The following MRPS15 variants were observed in gnomAD, a reference collection of about 807,000 sequenced individuals.
MRPS15 encodes the protein small ribosomal subunit protein uS15m.
A neutral mutation model predicts 30.7 loss-of-function variants in MRPS15; 25 were observed. The ratio of observed to expected loss-of-function variants is 0.81; its 90% CI spans 0.59 to 1.14. The LOEUF is 1.14. Ranked by LOEUF, MRPS15 falls within the 50% of genes most tolerant of loss-of-function variation. The pLI is 0.00. For synonymous variants in MRPS15, 124 were observed against 120.1 expected (o/e 1.03, Z -0.21); for missense variants, 313 against 321.7 (o/e 0.97, Z 0.21).
chr1:36,463,742 T>G, intron 2 of MRPS15, 64 bp downstream of exon 2: 1 of 1,564,696 alleles, frequency 6.4e-7, no homozygotes, highest in South Asian at 1.2e-5. Context: ...ATCGGTCCCC[T>G]TACCCACCCC....
In MRPS15 at chr1:36,456,306, T is replaced by G; in HGVS notation, c.517A>C (p.Thr173Pro). 6.2e-7 allele frequency: 1 copy of G among 1,614,196 alleles called. No individual in the cohort carries two copies. The highest frequency in any genetic ancestry group is 1.1e-5 in the South Asian group (1 of 91,088). ...RKKMLKNLRN[T>P]NYDVFEKICW... ...ATCTTCTCAAAGACATCATAGTTGG[T>G]GTTACGGAGGTTTTTGAGCATCTTT... Residue 173 changes from threonine to proline, a missense_variant, in exon 7 of 8, where the codon ACC (threonine) becomes CCC (proline). Transcript: ENST00000373116.
Position 36,455,833 on chromosome 1 carries a change from G to A in MRPS15, c.729C>T (p.Asp243=), listed in dbSNP as rs138788038. The A allele has an allele frequency of 6.2e-7, 1 of 1,614,198 alleles. No individual in the cohort carries two copies. Among genetic ancestry groups the A allele is most frequent in the Non-Finnish European group, 8.5e-7 (1 of 1,180,042 alleles). Residue 243 remains aspartate (D), a synonymous_variant, in exon 8 of 8, where the codon GAC becomes GAT. Coordinates refer to ENST00000373116, the MANE Select transcript of MRPS15 (RefSeq NM_031280.4). ...AQKQAKRRNP[D]SPAKAIPKTL... ...TCTTTGGTATGGCTTTGGCAGGGCT[G>A]TCTGGGTTCCTCCGCTTTGCTTGTT... is the stretch of plus-strand genomic sequence containing the variant.
intron 6 of MRPS15, 33 bp from the exon 7 acceptor site, chr1:36,456,411 A>G (rs367718286): frequency 5.6e-4 from 870 of 1,541,704 alleles, no homozygotes; most frequent in Non-Finnish European, 7.1e-4. Context: ...TTAGTATTAT[A>G]TAAGTGTTAC....
chr1:36,460,773 C>T lies in MRPS15; in HGVS notation c.304G>A (p.Glu102Lys), dbSNP rs1650081433. Residue 102 changes from glutamate (E) to lysine (K), a missense_variant, in exon 5 of 8, where the codon GAG (glutamate) becomes AAG (lysine). By Grantham distance (56) the Glu-to-Lys change is moderately conservative (BLOSUM62 1). Transcript: ENST00000373116. ...TGTTCTTGCTTGATTTTTAGCATCT[C>T]CTTCTGTTGAAGACAGAGACAGAGA... is the stretch of plus-strand genomic sequence containing the variant. ...LLSLEMANKK[E>K]MLKIKQEQFM... 2 of 1,613,752 alleles carry T rather than the reference C, an allele frequency of 1.2e-6. No individual in the cohort carries two copies. The highest frequency in any genetic ancestry group is 1.3e-5 in the African/African-American group (1 of 75,046).
At position 36,464,372 on chromosome 1, in the gene MRPS15, G is replaced by T; in HGVS notation, c.-97C>A. On this transcript the variant is annotated 5_prime_UTR_variant, in exon 1 of 8. Coordinates refer to ENST00000373116, the MANE Select transcript of MRPS15 (RefSeq NM_031280.4). ...GGCGCCGCCATGCTGGCCCAGGATC[G>T]ACCAATCGAGGCAGTTGCAATACCG... The T allele has an allele frequency of 6.8e-7, 1 of 1,480,506 alleles. No homozygotes were observed. The highest frequency in any genetic ancestry group is 1.3e-5 in the South Asian group (1 of 74,762). 91.7% of individuals were successfully genotyped at this position (1,480,506 alleles called of 1,614,324 possible). A position where few individuals can be genotyped will look rare whatever the true frequency, so the allele number is the denominator to read the frequency against.
chr1:36,460,682 C>G lies in MRPS15; in HGVS notation c.385+10G>C, dbSNP rs754741969. On this transcript the variant is annotated intron_variant, in intron 5 of 7. Transcript: ENST00000373116. ...CCTACACCCCCACTCCCCAAGGGTC[C>G]CCGACCAACTTCGAGCCTCCAGGGA... 2.5e-6 allele frequency: 4 copies of G among 1,612,840 alleles called. No individual in the cohort carries two copies. Among genetic ancestry groups the G allele is most frequent in the Non-Finnish European group, 3.4e-6 (4 of 1,178,890 alleles).
Position 36,464,331 on chromosome 1 carries a change from C to T in MRPS15, c.-56G>A, listed in dbSNP as rs1650170676. ...CGCGGCCGCCGTTCGCTTTGCGGCA[C>T]GGACCGGGTTACATGGGCGCCGCCA... On this transcript the variant is annotated 5_prime_UTR_variant, in exon 1 of 8. The change creates a new upstream start codon in the 5' untranslated region. Coordinates refer to ENST00000373116, the MANE Select transcript of MRPS15 (RefSeq NM_031280.4). 2.5e-6 allele frequency: 4 copies of T among 1,585,510 alleles called. No individual in the cohort carries two copies. The highest frequency in any genetic ancestry group is 2.3e-5 in the East Asian group (1 of 44,336).
intron 2 of MRPS15, 82 bp downstream of exon 2, chr1:36,463,724 T>C (rs2124085668): frequency 6.6e-7 from 1 of 1,505,896 alleles, no homozygotes; most frequent in Non-Finnish European, 9.0e-7. Flanking sequence ...GTGGCTCTAA[T>C]TCGCCACATC....
chr1:36,455,968 C>A, intron 7 of MRPS15, 43 bp from the exon 8 acceptor site: 1 of 1,597,396 alleles, frequency 6.3e-7, no homozygotes, highest in South Asian at 1.1e-5. Flanking sequence ...TAATCCTGTG[C>A]AAAACCTCAG....
chr1:36,457,638 G>C (rs1650019283), intron 6 of MRPS15, among the ~76,000 whole-genome samples: 1 of 152,192 alleles, frequency 6.6e-6, no homozygotes, highest in Admixed American at 6.5e-5. Flanking sequence ...GGAAGTGGCA[G>C]AGCTCGGATT....
rs1649982916 is a variant in MRPS15, at chr1:36,455,820, CTTTGGCAGGGCTG to C, written c.729_741del (p.Asp243GlufsTer24). On this transcript the variant is annotated frameshift_variant, in exon 8 of 8. Transcript: ENST00000373116. LOFTEE classifies it high-confidence loss of function. ...CTGTCTTTGAGTGTCTTTGGTATGG[CTTTGGCAGGGCTG>C]TCTGGGTTCCTCCGCTTTGCTTGTT... 1.2e-6 allele frequency: 2 copies of C among 1,614,034 alleles called. No homozygotes were observed. The highest frequency in any genetic ancestry group is 1.7e-6 in the Non-Finnish European group (2 of 1,180,030).
In MRPS15 at chr1:36,458,344, T is replaced by C; in HGVS notation, c.386-363A>G. 5.5e-6 allele frequency: 1 copy of C among 181,526 alleles called. No individual in the cohort carries two copies. 11.2% of individuals were successfully genotyped at this position (181,526 alleles called of 1,614,324 possible). On this transcript the variant is annotated intron_variant, in intron 5 of 7. Coordinates refer to ENST00000373116, the MANE Select transcript of MRPS15 (RefSeq NM_031280.4). This position sits in a 1 kb window ranked among gnomAD's most constrained non-coding sequence, Gnocchi z 4.5. ...CCCAGGTTCAGGTGATTCTCTTGCC[T>C]CAGACTCCAGAGCAGCTGGGATTAC...
intron 5 of MRPS15, chr1:36,459,202 TG>T (rs912177601): frequency 6.6e-6 from 1 of 152,160 alleles, no homozygotes; most frequent in African/African-American, 2.4e-5. Context: ...GAGATCAGCC[TG>T]GGCAATATGA....
chr1:36,457,134 G>A (rs1650006695), intron 6 of MRPS15, among the ~76,000 whole-genome samples: 1 of 152,048 alleles, frequency 6.6e-6, no homozygotes, highest in Admixed American at 6.6e-5. Context: ...AAATTAGCTG[G>A]GTGTGGTGGC....
rs756712545 is a variant in MRPS15 at position 36,462,136 on chromosome 1, G to A, written c.203C>T (p.Pro68Leu). ...GTAGTCTTTGAGCAGCGTAGAGGGA[G>A]GTGGGTCATCATCCAGCCTAGACTG... ...PAQSRLDDDPPPSTLLKDYQN... is the reference protein window; with the variant it reads ...PAQSRLDDDPLPSTLLKDYQN... Residue 68 changes from proline to leucine, a missense_variant, in exon 3 of 8, where the codon CCT (proline) becomes CTT (leucine). Coordinates refer to ENST00000373116, the MANE Select transcript of MRPS15 (RefSeq NM_031280.4). The A allele has an allele frequency of 6.2e-7, 1 of 1,613,130 alleles. No homozygotes were observed. Among genetic ancestry groups the A allele is most frequent in the Admixed American group, 1.7e-5 (1 of 59,954 alleles).
rs776938383 is a variant in MRPS15, at chr1:36,456,300, A to T, written c.523T>A (p.Tyr175Asn). The change falls in exon 7 of 8, where the codon TAT (tyrosine) becomes AAT (asparagine). Residue 175 changes from tyrosine to asparagine, a missense_variant. Transcript: ENST00000373116. ...KMLKNLRNTN[Y>N]DVFEKICWGL... The stretch of plus-strand genomic sequence containing the variant: ...CAGCATATCTTCTCAAAGACATCAT[A>T]GTTGGTGTTACGGAGGTTTTTGAGC... The T allele has an allele frequency of 1.2e-6, 2 of 1,614,004 alleles. No individual in the cohort carries two copies. Among genetic ancestry groups the T allele is most frequent in the Non-Finnish European group, 1.7e-6 (2 of 1,180,002 alleles).
chr1:36,463,737 T>C, intron 2 of MRPS15, 69 bp downstream of exon 2: 1 of 1,547,534 alleles, frequency 6.5e-7, no homozygotes, highest in South Asian at 1.2e-5. Flanking sequence ...GCCACATCGG[T>C]CCCCTTACCC....
At chr1:36,459,910 T>G (rs1190014106) in intron 5 of MRPS15, among the ~76,000 whole-genome samples, 1 of 152,184 alleles carries the variant, frequency 6.6e-6, no homozygotes, top group Non-Finnish European at 1.5e-5. Context: ...TCACATCTAA[T>G]GAGGACTACT....
chr1:36,464,305 C>T lies in MRPS15; in HGVS notation c.-30G>A. The stretch of plus-strand genomic sequence containing the variant: ...ACCTCTAACCCCCGCGGGGCCCGCG[C>T]CGCGGCCGCCGTTCGCTTTGCGGCA... On this transcript the variant is annotated 5_prime_UTR_variant, in exon 1 of 8. Transcript: ENST00000373116. 6.3e-7 allele frequency: 1 copy of T among 1,589,128 alleles called. No individual in the cohort carries two copies. The highest frequency in any genetic ancestry group is 8.6e-7 in the Non-Finnish European group (1 of 1,168,110).
Sources: gnomAD v4.1 joint callset for allele counts (sites outside exome capture counted in the v4.1 genomes callset) on GRCh38, gnomAD v4.1.1 for gene constraint, Gnocchi (gnomAD v3.1) non-coding constraint, MANE v1.5 for transcripts, NCBI Gene and HGNC (gene_info 2026-07-23, HGNC 2026-07-21) for gene names.